The following PTPN21 variants were observed in gnomAD, a reference collection of about 807,000 sequenced individuals.
PTPN21 encodes tyrosine-protein phosphatase non-receptor type 21.
PTPN21 carries 77 observed loss-of-function variants against 131.8 expected under a neutral mutation model. That is an observed-to-expected ratio of 0.58 (90% CI 0.49 to 0.71). The LOEUF is 0.71. Among genes scored for constraint, PTPN21 ranks in the 30% least tolerant of loss-of-function variants. The pLI, the probability that PTPN21 is intolerant of heterozygous loss-of-function variation, is 0.00. For synonymous variants in PTPN21, 715 were observed against 621.3 expected (o/e 1.15, Z -2.24); for missense variants, 1,552 against 1,527.1 (o/e 1.02, Z -0.27).
chr14:88,506,836 G>C (rs1466477655), intron 4 of PTPN21, among the ~76,000 whole-genome samples: 1 of 151,938 alleles, frequency 6.6e-6, no homozygotes, highest in East Asian at 1.9e-4. Flanking sequence ...GAGGTCAGGA[G>C]TTTGAGACCA....
intron 12 of PTPN21, among the ~76,000 whole-genome samples, chr14:88,481,632 G>A (rs981377616): frequency 3.3e-5 from 5 of 152,220 alleles, no homozygotes; most frequent in African/African-American, 1.2e-4. Flanking sequence ...GAAGGGAGAA[G>A]AGATGAAGGG....
At chr14:88,493,303 C>A (rs1295894909) in intron 10 of PTPN21, 3 of 322,400 alleles carry the variant, frequency 9.3e-6, no homozygotes, top group African/African-American at 6.6e-5. Context: ...AAGGACTAAG[C>A]AAACTGAATG....
At chr14:88,504,872 T>C (rs1225179319) in intron 5 of PTPN21, among the ~76,000 whole-genome samples, 1 of 152,198 alleles carries the variant, frequency 6.6e-6, no homozygotes, top group Non-Finnish European at 1.5e-5. Context: ...AGTTTCCATG[T>C]CCCTTCCATC....
intron 12 of PTPN21, among the ~76,000 whole-genome samples, chr14:88,484,388 G>C (rs541588853): frequency 1.3e-5 from 2 of 152,206 alleles, no homozygotes; most frequent in African/African-American, 4.8e-5. Flanking sequence ...TCAGCTTGGG[G>C]GTTTGTTATA....
intron 6 of PTPN21, among the ~76,000 whole-genome samples, chr14:88,502,574 G>A (rs905529453): frequency 1.3e-5 from 2 of 152,102 alleles, no homozygotes; most frequent in African/African-American, 4.8e-5. Context: ...ATTTATCTTT[G>A]TGTCATAGCA....
intron 12 of PTPN21, among the ~76,000 whole-genome samples, chr14:88,482,965 C>T (rs544377613): frequency 2.6e-5 from 4 of 152,024 alleles, no homozygotes; most frequent in Admixed American, 2.6e-4. Flanking sequence ...CTGTAATCCC[C>T]ACTTTGGAAG....
In PTPN21 at chr14:88,521,506, G is replaced by A. The variant is rs144254940; in HGVS notation, c.181-4245C>T. On this transcript the variant is annotated intron_variant, in intron 2 of 18. Coordinates refer to ENST00000556564, the MANE Select transcript of PTPN21 (RefSeq NM_007039.4). ...CAACCTCTGCCTTCCAGTTTCAAGC[G>A]CTTCTCCTGCCTCAGCCTCCCAAGT... Among the ~76,000 whole-genome samples, 799 of 150,520 alleles carry A rather than the reference G, an allele frequency of 5.3e-3. 5 individuals are homozygous for A. Among genetic ancestry groups the A allele is most frequent in the African/African-American group, 0.019 (774 of 41,022 alleles).
intron 2 of PTPN21, among the ~76,000 whole-genome samples, chr14:88,544,209 G>A (rs1332361429): frequency 5.3e-5 from 8 of 152,200 alleles, no homozygotes; most frequent in African/African-American, 1.9e-4. Context: ...GCCAGGAGTG[G>A]TGGCAGGTGC....
rs376554769 is a variant in PTPN21 at position 88,500,194 on chromosome 14, G to C, written c.764+589C>G. Among the ~76,000 whole-genome samples, 175 of 152,298 alleles carry C rather than the reference G, an allele frequency of 1.1e-3. 4 individuals carry two copies. The highest frequency in any genetic ancestry group is 4.0e-3 in the African/African-American group (166 of 41,556). On this transcript the variant is annotated intron_variant, in intron 8 of 18. Transcript: ENST00000556564. ...GGCTCACACCTGGAATCCCAGCACT[G>C]TGGGAGGCAGGCAGATAGCTTGAGC...
intron 2 of PTPN21, among the ~76,000 whole-genome samples, chr14:88,518,672 C>G (rs1375359879): frequency 6.6e-6 from 1 of 150,636 alleles, no homozygotes; most frequent in East Asian, 2.0e-4. Flanking sequence ...CTCAGTTGAT[C>G]CGCCCACCTC....
At chr14:88,542,075 C>G (rs1421643011) in intron 2 of PTPN21, among the ~76,000 whole-genome samples, 2 of 152,132 alleles carry the variant, frequency 1.3e-5, no homozygotes, top group Admixed American at 1.3e-4. Flanking sequence ...AAAGTTCGAG[C>G]AGAAGTCTGA....
intron 13 of PTPN21, among the ~76,000 whole-genome samples, chr14:88,474,110 C>CT (rs2077511602): frequency 1.5e-5 from 1 of 65,488 alleles, no homozygotes; most frequent in African/African-American, 6.3e-5. Flanking sequence ...ACAAGACAGA[C>CT]GTAACAAATC....
chr14:88,521,061 G>T (rs1279590036), intron 2 of PTPN21, among the ~76,000 whole-genome samples: 1 of 151,666 alleles, frequency 6.6e-6, no homozygotes, highest in Non-Finnish European at 1.5e-5. Context: ...TGCCCAGGCT[G>T]ATCTTAAACT....
At chr14:88,487,498 A>C (rs1271721348) in intron 10 of PTPN21, among the ~76,000 whole-genome samples, 1 of 151,720 alleles carries the variant, frequency 6.6e-6, no homozygotes, top group East Asian at 1.9e-4. Flanking sequence ...TCTTATATTC[A>C]AAAACCCTGA....
chr14:88,496,425 T>C lies in PTPN21; in HGVS notation c.920A>G (p.Asn307Ser). Residue 307 changes from asparagine to serine, a missense_variant, in exon 10 of 19, where the codon AAC becomes AGC. By Grantham distance (46) the Asn-to-Ser change is conservative (BLOSUM62 1). This residue lies in a region of PTPN21 where 1,016 missense variants were observed against 883.5 expected (regional missense o/e 1.15). Transcript: ENST00000556564. Reference protein sequence around the residue: ...CVARHKFYRLNQCNLQTQTVT... With the variant: ...CVARHKFYRLSQCNLQTQTVT... ...AGGACATACTTACAGGTTACACTGG[T>C]TTAGTCTGTAAAACTTGTGTCGCGC... 6.2e-7 allele frequency: 1 copy of C among 1,612,546 alleles called. No homozygotes were observed. Among genetic ancestry groups the C allele is most frequent in the Non-Finnish European group, 8.5e-7 (1 of 1,178,628 alleles).
At chr14:88,504,142 G>C (rs148357505) in intron 6 of PTPN21, among the ~76,000 whole-genome samples, 78 of 152,180 alleles carry the variant, frequency 5.1e-4, no homozygotes, top group African/African-American at 1.8e-3. Flanking sequence ...AGTAAAAAAT[G>C]GGCACCCTTC....
rs538846188 is a variant in PTPN21 at position 88,467,509 on chromosome 14, T to C, written c.*628A>G. The C allele has an allele frequency of 1.3e-5, 2 of 152,310 alleles. No homozygotes were observed. Among genetic ancestry groups the C allele is most frequent in the Middle Eastern group, 3.4e-3 (1 of 294 alleles). The allele number at this position is 152,310 out of a possible 1,614,324, so 9.4% of individuals were successfully genotyped here. On this transcript the variant is annotated 3_prime_UTR_variant, in exon 19 of 19. Transcript: ENST00000556564. ...GTACAACTATATAGAATTTTTAGGA[T>C]AAAAAATGTTCTGGATAGAAAAATC...
Position 88,469,590 on chromosome 14 carries a change from G to A in PTPN21, c.3144C>T (p.His1048=). Residue 1048 remains histidine, a synonymous_variant, in exon 17 of 19, where the codon CAC becomes CAT. Transcript: ENST00000556564. This position sits in a 1 kb window ranked among gnomAD's most constrained non-coding sequence, Gnocchi z 4.3. ...CGGTCCTCTCTTGCCCAGTAAGGAGGTGCTTCATCTTCAGGCCTGTGGTGG... is the reference window on the plus strand; with the variant it reads ...CGGTCCTCTCTTGCCCAGTAAGGAGATGCTTCATCTTCAGGCCTGTGGTGG... ...CYATTGLKMK[H]LLTGQERTVW... is the part of the protein sequence containing the mutation. 1 of 1,614,170 alleles carries A rather than the reference G, an allele frequency of 6.2e-7. No homozygotes were observed. Among genetic ancestry groups the A allele is most frequent in the Non-Finnish European group, 8.5e-7 (1 of 1,180,046 alleles).
chr14:88,530,585 T>C (rs536507961), intron 2 of PTPN21, among the ~76,000 whole-genome samples: 2 of 146,618 alleles, frequency 1.4e-5, no homozygotes, highest in African/African-American at 4.9e-5. Flanking sequence ...GGTAAAGGAG[T>C]GGAAAAAGAT....
Sources: allele counts gnomAD v4.1 joint callset (sites outside exome capture counted in the v4.1 genomes callset), GRCh38; gene constraint gnomAD v4.1.1; regional missense constraint gnomAD v4.1.1; non-coding constraint Gnocchi (gnomAD v3.1); transcripts MANE v1.5; gene names NCBI Gene and HGNC (gene_info 2026-07-23, HGNC 2026-07-21).